The following DIP2C variants were observed in gnomAD, a reference collection of about 807,000 sequenced individuals.
DIP2C encodes the protein disco-interacting protein 2 homolog C.
A neutral mutation model predicts 192.4 loss-of-function variants in DIP2C; 33 were observed. The ratio of observed to expected loss-of-function variants is 0.17; its 90% CI spans 0.13 to 0.23. The LOEUF (loss-of-function observed/expected upper bound fraction) is 0.23. Among genes scored for constraint, DIP2C ranks in the 10% least tolerant of loss-of-function variants. The probability of loss-of-function intolerance (pLI) is 1.00; values close to 1 mark genes in which losing one functional copy is unlikely to be tolerated. For missense variants in DIP2C, 1,537 were observed against 2,110.1 expected, an observed-to-expected ratio of 0.73 and a Z score of 5.32; for synonymous variants, 979 against 864.1, an observed-to-expected ratio of 1.13 and a Z score of -2.33.
chr10:567,878 C>T (rs1483105167), intron 1 of DIP2C, among the ~76,000 whole-genome samples: 2 of 152,198 alleles, frequency 1.3e-5, no homozygotes, highest in Non-Finnish European at 2.9e-5. Context: ...GATCCACCCA[C>T]CCCAGCTCCC....
intron 1 of DIP2C, among the ~76,000 whole-genome samples, chr10:619,660 A>C (rs1208777320): frequency 1.3e-5 from 2 of 152,186 alleles, no homozygotes; most frequent in Admixed American, 6.5e-5. Flanking sequence ...TCACCCACAC[A>C]GACCCCAGGA....
chr10:616,478 G>A (rs1473620240), intron 1 of DIP2C, among the ~76,000 whole-genome samples: 4 of 152,300 alleles, frequency 2.6e-5, no homozygotes, highest in Non-Finnish European at 4.4e-5. Flanking sequence ...GCCTGTCTCT[G>A]CACAGCGGGA....
At chr10:557,324 G>A (rs868433182) in intron 1 of DIP2C, among the ~76,000 whole-genome samples, 1 of 152,124 alleles carries the variant, frequency 6.6e-6, no homozygotes, top group Middle Eastern at 3.2e-3. Context: ...GACTCAGGGG[G>A]ACAGGGCCAG....
At chr10:659,462 TC>T (rs1856619671) in intron 1 of DIP2C, among the ~76,000 whole-genome samples, 1 of 152,244 alleles carries the variant, frequency 6.6e-6, no homozygotes, top group Non-Finnish European at 1.5e-5. Context: ...AAATGTAACT[TC>T]TTGTAATTAA....
chr10:526,514 A>C (rs985404403), intron 1 of DIP2C, among the ~76,000 whole-genome samples: 1 of 124,116 alleles, frequency 8.1e-6, no homozygotes, highest in African/African-American at 2.9e-5. Context: ...TCTGTCACAC[A>C]CCAGCCCTAC....
chr10:337,450 G>C (rs948740833), intron 29 of DIP2C, among the ~76,000 whole-genome samples: 3 of 133,176 alleles, frequency 2.3e-5, no homozygotes, highest in Non-Finnish European at 4.8e-5. Context: ...TTGTGTGTGC[G>C]TGTGTGTTGT....
At chr10:513,029 A>G (rs182466234) in intron 1 of DIP2C, among the ~76,000 whole-genome samples, 68 of 152,212 alleles carry the variant, frequency 4.5e-4, no homozygotes, top group Middle Eastern at 3.4e-3. Context: ...GTGGGGCCCT[A>G]AAGTATTCAA....
chr10:308,288 C>A (rs1564534251), intron 32 of DIP2C, among the ~76,000 whole-genome samples: 1 of 149,640 alleles, frequency 6.7e-6, no homozygotes, highest in Non-Finnish European at 1.5e-5. Context: ...GCGTGGGTGC[C>A]GACCAGAGGC....
intron 3 of DIP2C, among the ~76,000 whole-genome samples, chr10:464,465 G>C (rs1214979947): frequency 3.3e-5 from 5 of 152,052 alleles, no homozygotes; most frequent in Non-Finnish European, 7.4e-5. Context: ...ACGCCAGTTA[G>C]AATGGTTATC....
chr10:356,888 T>C (rs1336394314), intron 23 of DIP2C, among the ~76,000 whole-genome samples: 2 of 152,220 alleles, frequency 1.3e-5, no homozygotes, highest in Non-Finnish European at 2.9e-5. Context: ...TTCCAGAAGA[T>C]GCAAAGCGGA....
chr10:548,354 G>A (rs1363269360), intron 1 of DIP2C, among the ~76,000 whole-genome samples: 6 of 151,172 alleles, frequency 4.0e-5, no homozygotes, highest in Non-Finnish European at 7.4e-5. Flanking sequence ...ATCCAGCCCC[G>A]AGACCCACTC....
intron 29 of DIP2C, chr10:340,560 G>A (rs1318821874): frequency 1.1e-5 from 4 of 353,840 alleles, no homozygotes; most frequent in Admixed American, 3.8e-5. Flanking sequence ...CAGGTGCTAT[G>A]ATTGTTGATG....
chr10:650,890 G>A (rs1401506677), intron 1 of DIP2C: 19 of 717,392 alleles, frequency 2.6e-5, no homozygotes, highest in Non-Finnish European at 4.9e-5. Flanking sequence ...TGGGATTCGT[G>A]GGCCTCACGG....
intron 10 of DIP2C, among the ~76,000 whole-genome samples, chr10:391,084 G>C (rs986007715): frequency 2.0e-5 from 3 of 152,180 alleles, no homozygotes; most frequent in African/African-American, 7.2e-5. Flanking sequence ...CTGTCTCCCA[G>C]GTTTGTTGAG....
At chr10:480,439 G>T (rs1011598494) in intron 2 of DIP2C, among the ~76,000 whole-genome samples, 6 of 151,110 alleles carry the variant, frequency 4.0e-5, no homozygotes, top group Admixed American at 3.3e-4. Context: ...AGTCTCACCC[G>T]CCAGCCTGAG....
intron 1 of DIP2C, among the ~76,000 whole-genome samples, chr10:584,094 G>A (rs1850830461): frequency 6.6e-6 from 1 of 152,160 alleles, no homozygotes; most frequent in African/African-American, 2.4e-5. Flanking sequence ...TGACTCTGAG[G>A]CTGCCCTGAA....
intron 1 of DIP2C, among the ~76,000 whole-genome samples, chr10:614,116 C>T (rs1588605661): frequency 6.6e-6 from 1 of 152,218 alleles, no homozygotes; most frequent in Non-Finnish European, 1.5e-5. Context: ...AAGCTGACAA[C>T]GCTGCATTCT....
At chr10:332,378 A>G (rs776647848) in intron 29 of DIP2C, among the ~76,000 whole-genome samples, 1 of 152,214 alleles carries the variant, frequency 6.6e-6, no homozygotes, top group Non-Finnish European at 1.5e-5. Context: ...AACTAAATAT[A>G]GTTTCACCTC....
At chr10:283,526 C>A in intron 34 of DIP2C, 80 bp from the exon 35 acceptor site, 2 of 1,512,022 alleles carry the variant, frequency 1.3e-6, no homozygotes, top group East Asian at 4.5e-5. Flanking sequence ...TTTGACAATT[C>A]AGTACATTAT....
Sources: allele counts gnomAD v4.1 joint callset (sites outside exome capture counted in the v4.1 genomes callset), GRCh38; gene constraint gnomAD v4.1.1; transcripts MANE v1.5; gene names NCBI Gene and HGNC (gene_info 2026-07-23, HGNC 2026-07-21).